DDX31: variants seen among roughly 807,000 people sequenced by gnomAD.
DDX31 encodes the protein ATP-dependent DNA helicase DDX31.
In DDX31, 70 loss-of-function variants were observed where a neutral mutation model predicts 91.3. The ratio of observed to expected loss-of-function variants is 0.77; its 90% CI spans 0.63 to 0.94. The LOEUF (loss-of-function observed/expected upper bound fraction) is 0.94. Among genes scored for constraint, DDX31 ranks in the 40% least tolerant of loss-of-function variants. The pLI is 0.00. For synonymous variants in DDX31, 362 were observed against 350.6 expected (o/e 1.03, Z -0.36); for missense variants, 902 against 925.0 (o/e 0.98, Z 0.32).
At chr9:132,636,220 G>A (rs1266894185) in intron 14 of DDX31, among the ~76,000 whole-genome samples, 3 of 152,208 alleles carry the variant, frequency 2.0e-5, no homozygotes. Context: ...ACAGGCTCTG[G>A]AAGCTGAAGG....
In DDX31 at chr9:132,642,014, A is replaced by G. The variant is rs1317753822; in HGVS notation, c.1430T>C (p.Leu477Pro). The G allele has an allele frequency of 6.2e-7, 1 of 1,614,082 alleles. No homozygotes were observed. Among genetic ancestry groups the G allele is most frequent in the Non-Finnish European group, 8.5e-7 (1 of 1,179,990 alleles). ...QEFSHSRRGV[L>P]LCTDVAARGL... ...CAGGAGGATACGTACCGTGCAAAGA[A>G]GGACGCCTCTTCTGGAATGTGAAAA... The change falls in exon 14 of 20, where the codon CTT (leucine) becomes CCT (proline). Residue 477 changes from leucine to proline, a missense_variant. Transcript: ENST00000372159.
At chr9:132,644,799 T>G (rs1285564877) in intron 13 of DDX31, among the ~76,000 whole-genome samples, 1 of 152,126 alleles carries the variant, frequency 6.6e-6, no homozygotes, top group East Asian at 1.9e-4. Flanking sequence ...ACCAACAACT[T>G]TGATTGAATC....
intron 3 of DDX31, among the ~76,000 whole-genome samples, chr9:132,661,796 C>T (rs1309092521): frequency 1.3e-5 from 2 of 152,114 alleles, no homozygotes; most frequent in African/African-American, 4.8e-5. Context: ...AGAACACACA[C>T]CAAAATACTC....
intron 19 of DDX31, among the ~76,000 whole-genome samples, chr9:132,600,532 C>T (rs1438419439): frequency 6.6e-6 from 1 of 152,146 alleles, no homozygotes; most frequent in Admixed American, 6.5e-5. Flanking sequence ...CAGCACAGAC[C>T]ACAACTGAGA....
chr9:132,607,410 A>G (rs1831085596), intron 19 of DDX31, among the ~76,000 whole-genome samples: 1 of 152,242 alleles, frequency 6.6e-6, no homozygotes, highest in African/African-American at 2.4e-5. Context: ...GTAATTTTAA[A>G]GAGGAAGCTA....
At chr9:132,624,850 T>C (rs1564297378) in intron 17 of DDX31, among the ~76,000 whole-genome samples, 1 of 152,358 alleles carries the variant, frequency 6.6e-6, no homozygotes, top group East Asian at 1.9e-4. Context: ...GGTCCCTCCC[T>C]GCTCAGGGAG....
At chr9:132,664,734 A>C (rs1835203430) in intron 1 of DDX31, among the ~76,000 whole-genome samples, 1 of 151,386 alleles carries the variant, frequency 6.6e-6, no homozygotes, top group African/African-American at 2.4e-5. Flanking sequence ...AAAAAAAAAA[A>C]AAACTGTAAT....
At chr9:132,666,205 G>A (rs542181644) in intron 1 of DDX31, among the ~76,000 whole-genome samples, 2 of 152,204 alleles carry the variant, frequency 1.3e-5, no homozygotes, top group African/African-American at 4.8e-5. Context: ...TGTCATCTCG[G>A]TCATGAATAA....
intron 16 of DDX31, among the ~76,000 whole-genome samples, chr9:132,626,446 G>A (rs1023585921): frequency 2.0e-5 from 3 of 152,196 alleles, no homozygotes; most frequent in Non-Finnish European, 2.9e-5. Context: ...GAAAGCCTCC[G>A]CTTCATCCAA....
chr9:132,596,652 G>A (rs1830451183), intron 19 of DDX31, among the ~76,000 whole-genome samples: 1 of 152,214 alleles, frequency 6.6e-6, no homozygotes, highest in African/African-American at 2.4e-5. Context: ...AGGGTAACCT[G>A]CCCCAGGACC....
intron 6 of DDX31, among the ~76,000 whole-genome samples, chr9:132,656,695 T>TC (rs1834589518): frequency 6.6e-6 from 1 of 152,150 alleles, no homozygotes; most frequent in African/African-American, 2.4e-5. Flanking sequence ...CAAATCTCTC[T>TC]CATCCTCCAG....
chr9:132,651,617 G>A (rs978595700), intron 7 of DDX31, among the ~76,000 whole-genome samples: 2 of 152,158 alleles, frequency 1.3e-5, no homozygotes, highest in Non-Finnish European at 2.9e-5. Flanking sequence ...CGCTCCTCAA[G>A]TTTATATCAA....
At chr9:132,636,137 A>G (rs924853531) in intron 14 of DDX31, among the ~76,000 whole-genome samples, 4 of 152,202 alleles carry the variant, frequency 2.6e-5, no homozygotes, top group Non-Finnish European at 5.9e-5. Flanking sequence ...GGCTGCATTT[A>G]TAAGTGTGTA....
intron 19 of DDX31, among the ~76,000 whole-genome samples, chr9:132,601,403 C>T (rs1008216782): frequency 6.6e-6 from 1 of 152,158 alleles, no homozygotes; most frequent in Non-Finnish European, 1.5e-5. Context: ...GTTCGAATCG[C>T]GGCTCTGCCC....
chr9:132,656,000 G>C (rs1305877957), intron 6 of DDX31, among the ~76,000 whole-genome samples: 1 of 152,138 alleles, frequency 6.6e-6, no homozygotes, highest in African/African-American at 2.4e-5. Flanking sequence ...GTGACGTTAG[G>C]AGATTCTGAC....
At chr9:132,607,947 G>A (rs1002453337) in intron 19 of DDX31, among the ~76,000 whole-genome samples, 1 of 152,140 alleles carries the variant, frequency 6.6e-6, no homozygotes, top group Non-Finnish European at 1.5e-5. Flanking sequence ...GTTCTGACAC[G>A]TTCTACTTGT....
At chr9:132,616,549 G>A (rs1271857509) in intron 18 of DDX31, among the ~76,000 whole-genome samples, 1 of 152,118 alleles carries the variant, frequency 6.6e-6, no homozygotes, top group Non-Finnish European at 1.5e-5. Flanking sequence ...TCTTTCCACT[G>A]CAACTTTGAT....
intron 19 of DDX31, among the ~76,000 whole-genome samples, chr9:132,598,225 A>G (rs1180549109): frequency 1.3e-5 from 2 of 152,292 alleles, no homozygotes; most frequent in East Asian, 3.9e-4. Flanking sequence ...CCAAGGCCCA[A>G]TGCTGAAAAG....
chr9:132,641,087 T>C (rs141343297), intron 14 of DDX31, among the ~76,000 whole-genome samples: 1 of 152,284 alleles, frequency 6.6e-6, no homozygotes, highest in Non-Finnish European at 1.5e-5. Context: ...TAAGCACACA[T>C]ATATAAACAC....
Sources: gnomAD v4.1 joint callset for allele counts (sites outside exome capture counted in the v4.1 genomes callset) on GRCh38, gnomAD v4.1.1 for gene constraint, MANE v1.5 for transcripts, NCBI Gene and HGNC (gene_info 2026-07-23, HGNC 2026-07-21) for gene names.